The following SCML4 variants were observed in gnomAD, a reference collection of about 807,000 sequenced individuals.
SCML4 encodes the protein sex comb on midleg-like protein 4.
SCML4 carries 34 observed loss-of-function variants against 41.1 expected under a neutral mutation model. That is an observed-to-expected ratio of 0.83 (90% CI 0.63 to 1.10). SCML4 has a LOEUF of 1.10. SCML4 is among the 50% of genes least tolerant of loss of function. The pLI is 0.00. For synonymous variants in SCML4, 214 were observed against 220.9 expected, an observed-to-expected ratio of 0.97 and a Z score of 0.28; for missense variants, 522 against 534.1, an observed-to-expected ratio of 0.98 and a Z score of 0.22.
At chr6:107,821,010 A>G (rs946616046) in intron 1 of SCML4, among the ~76,000 whole-genome samples, 1 of 152,232 alleles carries the variant, frequency 6.6e-6, no homozygotes, top group Non-Finnish European at 1.5e-5. Flanking sequence ...ATTAAAATCC[A>G]GTAGGTTTGC....
chr6:107,815,641 GC>G (rs1472342085), intron 1 of SCML4, among the ~76,000 whole-genome samples: 1 of 152,212 alleles, frequency 6.6e-6, no homozygotes, highest in East Asian at 1.9e-4. Flanking sequence ...GCAGGTGTCA[GC>G]CCCTGATCAC....
intron 1 of SCML4, among the ~76,000 whole-genome samples, chr6:107,787,850 T>C (rs1782019459): frequency 6.6e-6 from 1 of 152,248 alleles, no homozygotes; most frequent in Non-Finnish European, 1.5e-5. Context: ...TAGATGCTCA[T>C]CCTGAAGTAC....
intron 5 of SCML4, among the ~76,000 whole-genome samples, chr6:107,727,582 T>C (rs1353051847): frequency 1.3e-5 from 2 of 152,216 alleles, no homozygotes; most frequent in Admixed American, 1.3e-4. Context: ...CTGTGCCGAA[T>C]GCTATGCAGC....
At chr6:107,708,104 GATCCT>G in intron 6 of SCML4, 93 bp from the exon 7 acceptor site, 1 of 1,410,470 alleles carries the variant, frequency 7.1e-7, no homozygotes, top group Non-Finnish European at 9.5e-7. Flanking sequence ...CTGGAAGGGG[GATCCT>G]CAGTGCCCAT....
intron 1 of SCML4, among the ~76,000 whole-genome samples, chr6:107,810,964 T>A (rs576168760): frequency 6.6e-6 from 1 of 152,124 alleles, no homozygotes; most frequent in Non-Finnish European, 1.5e-5. Context: ...TTTAAAGAGA[T>A]ACTTAAGCCT....
chr6:107,708,846 C>G (rs1329747169), intron 6 of SCML4, among the ~76,000 whole-genome samples: 3 of 152,166 alleles, frequency 2.0e-5, no homozygotes, highest in Non-Finnish European at 4.4e-5. Context: ...CAATGGCCGG[C>G]AATATTTAGG....
chr6:107,827,107 AC>A (rs1785286038), upstream of SCML4, among the ~76,000 whole-genome samples: 1 of 148,486 alleles, frequency 6.7e-6, no homozygotes, highest in Non-Finnish European at 1.5e-5. Flanking sequence ...ATTTAAGTAA[AC>A]AATATTTATT....
At chr6:107,782,144 C>T (rs560334602) in intron 1 of SCML4, among the ~76,000 whole-genome samples, 54 of 152,334 alleles carry the variant, frequency 3.5e-4, no homozygotes, top group African/African-American at 1.0e-3. Flanking sequence ...GAAAAACACC[C>T]ATTCCAGCCT....
intron 6 of SCML4, chr6:107,720,313 T>C: frequency 1.1e-6 from 1 of 896,074 alleles, no homozygotes; most frequent in Non-Finnish European, 1.3e-6. Context: ...TTCTATTCCC[T>C]AATGCATGGG....
intron 7 of SCML4, among the ~76,000 whole-genome samples, chr6:107,707,625 T>A (rs1007967311): frequency 5.3e-5 from 8 of 152,206 alleles, no homozygotes; most frequent in African/African-American, 1.7e-4. Flanking sequence ...AAGGCCAACA[T>A]GAGAGAAGAG....
At chr6:107,748,804 A>C (rs1778357927) in intron 3 of SCML4, among the ~76,000 whole-genome samples, 1 of 152,218 alleles carries the variant, frequency 6.6e-6, no homozygotes, top group Admixed American at 6.5e-5. Flanking sequence ...AAGAGAGCCC[A>C]TCTGGGGGAC....
At chr6:107,752,145 G>C (rs184797250) in intron 2 of SCML4, among the ~76,000 whole-genome samples, 1 of 152,056 alleles carries the variant, frequency 6.6e-6, no homozygotes. Context: ...GAGAAAGAAG[G>C]AAGTCAAAGA....
At chr6:107,779,180 AAAATAAATAAAT>A (rs34080063) in intron 1 of SCML4, among the ~76,000 whole-genome samples, 10 of 148,778 alleles carry the variant, frequency 6.7e-5, no homozygotes, top group Admixed American at 5.4e-4. Context: ...ACTCCATCTC[AAAATAAATAAAT>A]AAATAAATAA....
intron 2 of SCML4, among the ~76,000 whole-genome samples, chr6:107,768,209 G>A (rs1453263217): frequency 1.3e-5 from 2 of 152,096 alleles, no homozygotes; most frequent in African/African-American, 4.8e-5. Flanking sequence ...AGCTGTGAGG[G>A]TGCCACTGCA....
At chr6:107,766,484 A>C (rs1268427368) in intron 2 of SCML4, among the ~76,000 whole-genome samples, 1 of 152,216 alleles carries the variant, frequency 6.6e-6, no homozygotes, top group Admixed American at 6.5e-5. Flanking sequence ...CAGATAAAAA[A>C]CAAAACTATT....
intron 2 of SCML4, among the ~76,000 whole-genome samples, chr6:107,767,367 A>G (rs1403798599): frequency 1.3e-5 from 2 of 152,212 alleles, no homozygotes; most frequent in Non-Finnish European, 2.9e-5. Context: ...ATTTAGAAAG[A>G]GGCTTTAAAC....
At chr6:107,836,192 A>G in the SCML4 span, among the ~76,000 whole-genome samples, 2 of 152,214 alleles carry the variant, frequency 1.3e-5, no homozygotes, top group African/African-American at 4.8e-5. Context: ...CTTAAAACAA[A>G]TTCATACATC....
At chr6:107,760,823 A>G (rs967985718) in intron 2 of SCML4, among the ~76,000 whole-genome samples, 2 of 152,214 alleles carry the variant, frequency 1.3e-5, no homozygotes, top group Non-Finnish European at 2.9e-5. Flanking sequence ...AAAAACAACT[A>G]TGATACTATG....
chr6:107,786,984 G>T (rs1053249503), intron 1 of SCML4, among the ~76,000 whole-genome samples: 7 of 152,194 alleles, frequency 4.6e-5, no homozygotes, highest in Non-Finnish European at 7.3e-5. Context: ...GCCCAGAGAG[G>T]CTACATGAGA....
Sources: allele counts gnomAD v4.1 joint callset (sites outside exome capture counted in the v4.1 genomes callset), GRCh38; gene constraint gnomAD v4.1.1; transcripts MANE v1.5; gene names NCBI Gene and HGNC (gene_info 2026-07-23, HGNC 2026-07-21).